IL17RD: variants seen among roughly 807,000 people sequenced by gnomAD.
IL17RD encodes interleukin-17 receptor D.
A neutral mutation model predicts 80.5 loss-of-function variants in IL17RD; 52 were observed. That is an observed-to-expected ratio of 0.65 (90% CI 0.52 to 0.81). The LOEUF (loss-of-function observed/expected upper bound fraction) is 0.81, where lower values mean the gene tolerates loss of function less well. Among genes scored for constraint, IL17RD ranks in the 40% least tolerant of loss-of-function variants. The pLI is 0.00. For missense variants in IL17RD, 1,024 were observed against 955.1 expected (o/e 1.07, Z -0.95); for synonymous variants, 416 against 391.8 (o/e 1.06, Z -0.73).
intron 1 of IL17RD, among the ~76,000 whole-genome samples, chr3:57,129,603 C>T (rs754621717): frequency 1.2e-4 from 19 of 152,184 alleles, no homozygotes; most frequent in Non-Finnish European, 1.8e-4. Flanking sequence ...GCCATGGGGA[C>T]CCAGCCTCCT....
chr3:57,127,291 TATA>T (rs1228225769), intron 1 of IL17RD, among the ~76,000 whole-genome samples: 1 of 101,838 alleles, frequency 9.8e-6, no homozygotes, highest in African/African-American at 4.7e-5. Context: ...TATAAATATA[TATA>T]AATATATATA....
chr3:57,116,658 C>T (rs1707222765), intron 2 of IL17RD, among the ~76,000 whole-genome samples: 2 of 152,070 alleles, frequency 1.3e-5, no homozygotes, highest in Admixed American at 1.3e-4. Context: ...TGAATATTCA[C>T]TCTTAAAGCA....
At chr3:57,147,813 G>A (rs1707963228) in intron 1 of IL17RD, among the ~76,000 whole-genome samples, 1 of 152,128 alleles carries the variant, frequency 6.6e-6, no homozygotes, top group Non-Finnish European at 1.5e-5. Flanking sequence ...AAAACACAGT[G>A]ATTATAGCAG....
At chr3:57,165,385 G>T, upstream of IL17RD, 1 of 1,043,816 alleles carries the variant, frequency 9.6e-7, no homozygotes, top group Non-Finnish European at 1.2e-6. Flanking sequence ...CGGCGGCAGC[G>T]AAGGGGACCG....
chr3:57,160,790 T>C (rs952868764), intron 1 of IL17RD, among the ~76,000 whole-genome samples: 1 of 152,238 alleles, frequency 6.6e-6, no homozygotes, highest in African/African-American at 2.4e-5. Context: ...GGTTACAGCA[T>C]GCGTATCCTC....
chr3:57,167,505 TG>T (rs2060353509), upstream of IL17RD, among the ~76,000 whole-genome samples: 1 of 152,144 alleles, frequency 6.6e-6, no homozygotes, highest in Admixed American at 6.5e-5. Context: ...CAGGACCATA[TG>T]GGTTTTGGTG....
chr3:57,100,722 C>T (rs925095296), intron 11 of IL17RD, among the ~76,000 whole-genome samples: 10 of 152,160 alleles, frequency 6.6e-5, no homozygotes, highest in African/African-American at 1.9e-4. Context: ...ATGGCAGCCC[C>T]GTCCTTCATT....
intron 3 of IL17RD, among the ~76,000 whole-genome samples, chr3:57,111,208 C>G (rs1387164882): frequency 2.0e-5 from 3 of 152,188 alleles, no homozygotes; most frequent in African/African-American, 7.2e-5. Flanking sequence ...AGTAATTACA[C>G]AGGATGCAAT....
rs1706669954 is a variant in IL17RD, at chr3:57,096,324, A to C, written c.*69T>G. 9 of 1,047,168 alleles carry C rather than the reference A, an allele frequency of 8.6e-6. No homozygotes were observed. Among genetic ancestry groups the C allele is most frequent in the South Asian group, 6.3e-5 (5 of 79,620 alleles). The allele number at this position is 1,047,168 out of a possible 1,614,324, so 64.9% of individuals were successfully genotyped here. A position where few individuals can be genotyped will look rare whatever the true frequency, so the allele number is the denominator to read the frequency against. On this transcript the variant is annotated 3_prime_UTR_variant, in exon 13 of 13. Coordinates refer to ENST00000296318, the MANE Select transcript of IL17RD (RefSeq NM_017563.5). ...TCAGCTCCAAGTGGGCCATGCAACC[A>C]GGGAGATGAGCTGGGGAATCAGAGG...
chr3:57,134,735 T>C (rs973086214), intron 1 of IL17RD: 40 of 627,904 alleles, frequency 6.4e-5, no homozygotes, highest in Non-Finnish European at 9.8e-5. Flanking sequence ...AGCTCCCCCT[T>C]TGTCTGTACA....
intron 12 of IL17RD, among the ~76,000 whole-genome samples, chr3:57,097,004 C>CA (rs200974175): frequency 0.03 from 2,969 of 100,016 alleles, 83 homozygotes; most frequent in African/African-American, 0.093. Flanking sequence ...GACTCCATCT[C>CA]AAAAAAAAAA....
chr3:57,150,122 C>T (rs1708024351), intron 1 of IL17RD, among the ~76,000 whole-genome samples: 1 of 152,110 alleles, frequency 6.6e-6, no homozygotes, highest in Non-Finnish European at 1.5e-5. Context: ...CCTGGCCTTC[C>T]CCTGGAAATC....
At chr3:57,122,292 A>G (rs1335217511) in intron 1 of IL17RD, among the ~76,000 whole-genome samples, 3 of 152,220 alleles carry the variant, frequency 2.0e-5, no homozygotes, top group Non-Finnish European at 4.4e-5. Flanking sequence ...AAAGAAAACT[A>G]TAATCTAGAA....
intron 1 of IL17RD, 181 bp downstream of exon 1, chr3:57,164,980 C>A (rs1046546002): frequency 2.2e-5 from 29 of 1,331,854 alleles, no homozygotes; most frequent in Non-Finnish European, 2.7e-5. Flanking sequence ...CGGCCAGGGC[C>A]GGAGGACACG....
chr3:57,107,149 C>T lies in IL17RD; in HGVS notation c.551-995G>A, dbSNP rs141543669. Among the ~76,000 whole-genome samples the T allele has an allele frequency of 8.3e-3, 1,265 of 152,140 alleles. 20 individuals are homozygous for T. Among genetic ancestry groups the T allele is most frequent in the African/African-American group, 0.029 (1,195 of 41,518 alleles). ...ATCCCAGCACTTTGGGAGGCTGAGG[C>T]GGGTGGATCATGAGATCAGGAGATC... is the stretch of plus-strand genomic sequence containing the variant. On this transcript the variant is annotated intron_variant, in intron 5 of 12. Coordinates refer to ENST00000296318, the MANE Select transcript of IL17RD (RefSeq NM_017563.5).
intron 1 of IL17RD, among the ~76,000 whole-genome samples, chr3:57,139,777 A>G (rs1364247135): frequency 6.6e-6 from 1 of 152,082 alleles, no homozygotes; most frequent in Non-Finnish European, 1.5e-5. Context: ...CCTTCCTCCA[A>G]AAGTGCTAGG....
At chr3:57,169,232 CTGCCAAGGCCAGGAT>C (rs2060360033), upstream of IL17RD, 2 of 518,746 alleles carry the variant, frequency 3.9e-6, no homozygotes, top group African/African-American at 1.9e-5. Flanking sequence ...TTGGTCTCAC[CTGCCAAGGCCAGGAT>C]TGCCTGTAGT....
At chr3:57,146,275 C>T (rs1386758284) in intron 1 of IL17RD, among the ~76,000 whole-genome samples, 2 of 152,170 alleles carry the variant, frequency 1.3e-5, no homozygotes, top group Non-Finnish European at 2.9e-5. Flanking sequence ...TCACTTAAAA[C>T]ATCTTCCCTA....
intron 1 of IL17RD, among the ~76,000 whole-genome samples, chr3:57,138,838 C>A (rs896601619): frequency 2.0e-5 from 3 of 150,040 alleles, no homozygotes; most frequent in Admixed American, 1.3e-4. Flanking sequence ...ACTCAGGAGG[C>A]TGAGGCAGGA....
Sources: allele counts gnomAD v4.1 joint callset (sites outside exome capture counted in the v4.1 genomes callset), GRCh38; gene constraint gnomAD v4.1.1; transcripts MANE v1.5; gene names NCBI Gene and HGNC (gene_info 2026-07-23, HGNC 2026-07-21).